Variants in TSPAN15 observed in about 807,000 individuals in gnomAD.
TSPAN15 encodes tetraspanin 15.
Under a neutral mutation model 34.5 loss-of-function variants are expected in TSPAN15, and 20 were observed. The ratio of observed to expected loss-of-function variants is 0.58; its 90% CI spans 0.41 to 0.84. The LOEUF is 0.84. TSPAN15 is among the 40% of genes least tolerant of loss of function. The pLI is 0.00. For synonymous variants in TSPAN15, 155 were observed against 153.9 expected, an observed-to-expected ratio of 1.01 and a Z score of -0.05; for missense variants, 313 against 386.1, an observed-to-expected ratio of 0.81 and a Z score of 1.59.
rs576037792 is a variant in TSPAN15 at position 69,507,170 on chromosome 10, G to C, written c.*192G>C. On this transcript the variant is annotated 3_prime_UTR_variant, in exon 8 of 8. Coordinates refer to ENST00000373290, the MANE Select transcript of TSPAN15 (RefSeq NM_012339.5). Reference sequence around the variant, plus strand: ...GGAGCAGAGCCTGGGCCTCCCCTAAGAGGCTTTCCCCGAGGCAGCTCTGGA... The same window carrying C: ...GGAGCAGAGCCTGGGCCTCCCCTAACAGGCTTTCCCCGAGGCAGCTCTGGA... 40 of 1,427,460 alleles carry C rather than the reference G, an allele frequency of 2.8e-5. No homozygotes were observed. In the African/African-American group the frequency reaches 5.3e-4, roughly 19 times the overall value. The allele number at this position is 1,427,460 out of a possible 1,614,324, so 88.4% of individuals were successfully genotyped here. A position where few individuals can be genotyped will look rare whatever the true frequency, so the allele number is the denominator to read the frequency against.
At chr10:69,472,088 C>T (rs1191532291) in intron 1 of TSPAN15, among the ~76,000 whole-genome samples, 1 of 152,182 alleles carries the variant, frequency 6.6e-6, no homozygotes, top group African/African-American at 2.4e-5. Context: ...GCAAAAACCA[C>T]TCAGTCAATA....
intron 5 of TSPAN15, 53 bp downstream of exon 5, chr10:69,498,449 T>C (rs2133148139): frequency 1.4e-6 from 2 of 1,445,426 alleles, no homozygotes; most frequent in Non-Finnish European, 9.7e-7. Flanking sequence ...CCAGGTGGTA[T>C]AAATGTTCTC....
chr10:69,541,331 A>G, the TSPAN15 span, among the ~76,000 whole-genome samples: 5 of 152,332 alleles, frequency 3.3e-5, no homozygotes, highest in East Asian at 9.7e-4. Flanking sequence ...ACATGGAGTC[A>G]AAGGAGATCA....
At chr10:69,454,867 A>G in intron 1 of TSPAN15, among the ~76,000 whole-genome samples, 1 of 152,108 alleles carries the variant, frequency 6.6e-6, no homozygotes, top group South Asian at 2.1e-4. Flanking sequence ...TGGGCTTGTT[A>G]CAAAATTTAG....
chr10:69,462,477 G>A (rs928310965), intron 1 of TSPAN15, among the ~76,000 whole-genome samples: 2 of 152,006 alleles, frequency 1.3e-5, no homozygotes, highest in Admixed American at 6.6e-5. Context: ...TTGGGACTAT[G>A]GGTGCCCACC....
At chr10:69,480,052 G>A (rs1841699187) in intron 1 of TSPAN15, among the ~76,000 whole-genome samples, 1 of 152,194 alleles carries the variant, frequency 6.6e-6, no homozygotes, top group Non-Finnish European at 1.5e-5. Flanking sequence ...TCAGAGCAAG[G>A]GGTTTTGTTT....
the TSPAN15 span, among the ~76,000 whole-genome samples, chr10:69,518,468 A>G: frequency 6.6e-6 from 1 of 152,220 alleles, no homozygotes; most frequent in Admixed American, 6.5e-5. Context: ...TCTGTCACTA[A>G]GGTGGAGTGC....
the TSPAN15 span, among the ~76,000 whole-genome samples, chr10:69,543,267 C>T: frequency 6.6e-6 from 1 of 152,172 alleles, no homozygotes; most frequent in South Asian, 2.1e-4. Context: ...GGTAAGACAT[C>T]CTTCCTCCTG....
Position 69,506,302 on chromosome 10 carries a change from G to A in TSPAN15, c.735+62G>A. 1 of 1,512,344 alleles carries A rather than the reference G, an allele frequency of 6.6e-7. No individual in the cohort carries two copies. The highest frequency in any genetic ancestry group is 9.2e-7 in the Non-Finnish European group (1 of 1,089,170). 93.7% of individuals were successfully genotyped at this position (1,512,344 alleles called of 1,614,324 possible). A position where few individuals can be genotyped will look rare whatever the true frequency, so the allele number is the denominator to read the frequency against. ...GTGATTGCAGAAGGGCAGAGAAGGT[G>A]CAGAGGGGAAGAGCGAAGAGGCTTT... On this transcript the variant is annotated intron_variant, in intron 7 of 7. Coordinates refer to ENST00000373290, the MANE Select transcript of TSPAN15 (RefSeq NM_012339.5). The surrounding 1 kb of genome is among the most constrained non-coding windows in gnomAD (Gnocchi z 4.7).
chr10:69,464,836 G>T (rs559903033), intron 1 of TSPAN15, among the ~76,000 whole-genome samples: 1 of 152,214 alleles, frequency 6.6e-6, no homozygotes, highest in Non-Finnish European at 1.5e-5. Flanking sequence ...AGTGTGCAGG[G>T]GGGACAATGG....
At chr10:69,489,277 T>G (rs1281332725) in intron 3 of TSPAN15, among the ~76,000 whole-genome samples, 1 of 152,230 alleles carries the variant, frequency 6.6e-6, no homozygotes, top group Non-Finnish European at 1.5e-5. Flanking sequence ...ATGGTTGTCT[T>G]CCCTTGTTCC....
At chr10:69,481,597 A>G (rs1841736445) in intron 1 of TSPAN15, among the ~76,000 whole-genome samples, 1 of 152,216 alleles carries the variant, frequency 6.6e-6, no homozygotes, top group South Asian at 2.1e-4. Flanking sequence ...AAGGAGACCC[A>G]TGAAGTCAGT....
chr10:69,518,575 C>G, the TSPAN15 span, among the ~76,000 whole-genome samples: 10 of 152,184 alleles, frequency 6.6e-5, no homozygotes, highest in Non-Finnish European at 1.3e-4. Context: ...AGGCGCACAC[C>G]ACCATGCCCA....
intron 1 of TSPAN15, among the ~76,000 whole-genome samples, chr10:69,472,484 A>G (rs1211161997): frequency 6.6e-6 from 1 of 152,154 alleles, no homozygotes; most frequent in Non-Finnish European, 1.5e-5. Flanking sequence ...CACCAGACAG[A>G]GCTCCTTGAG....
intron 1 of TSPAN15, among the ~76,000 whole-genome samples, chr10:69,462,714 A>G (rs1250474174): frequency 6.6e-6 from 1 of 152,188 alleles, no homozygotes; most frequent in African/African-American, 2.4e-5. Context: ...TGGTATCTGT[A>G]AGGGAATTCT....
At chr10:69,460,562 G>A (rs1375258110) in intron 1 of TSPAN15, among the ~76,000 whole-genome samples, 1 of 151,794 alleles carries the variant, frequency 6.6e-6, no homozygotes, top group African/African-American at 2.4e-5. Flanking sequence ...CCACATGCAC[G>A]CCCAAGGGGT....
chr10:69,477,291 C>T (rs1301749715), intron 1 of TSPAN15, among the ~76,000 whole-genome samples: 3 of 152,110 alleles, frequency 2.0e-5, no homozygotes, highest in African/African-American at 7.2e-5. Flanking sequence ...CACGCCACCA[C>T]ACCCAGCTAA....
At position 69,458,632 on chromosome 10, in the gene TSPAN15, C is replaced by G. The variant is rs113825381; in HGVS notation, c.96+6942C>G. Among the ~76,000 whole-genome samples the G allele has an allele frequency of 5.6e-3, 854 of 152,272 alleles. 15 individuals are homozygous for G. Among genetic ancestry groups the G allele is most frequent in the African/African-American group, 0.02 (817 of 41,564 alleles). On this transcript the variant is annotated intron_variant, in intron 1 of 7. Coordinates refer to ENST00000373290, the MANE Select transcript of TSPAN15 (RefSeq NM_012339.5). The stretch of plus-strand genomic sequence containing the variant: ...GCTGTCAGAGATGATCTCATAGCAT[C>G]AGACTGGGCTCAGGCCTCGGGCACA...
chr10:69,527,384 T>A, the TSPAN15 span, among the ~76,000 whole-genome samples: 2 of 147,342 alleles, frequency 1.4e-5, 1 homozygote, highest in Non-Finnish European at 3.0e-5. Context: ...TCACCTGAGA[T>A]CAGGAGTTCA....
Sources: gnomAD v4.1 joint callset for allele counts (sites outside exome capture counted in the v4.1 genomes callset) on GRCh38, gnomAD v4.1.1 for gene constraint, Gnocchi (gnomAD v3.1) non-coding constraint, MANE v1.5 for transcripts, NCBI Gene and HGNC (gene_info 2026-07-23, HGNC 2026-07-21) for gene names.